CYP4V2: variants seen among roughly 807,000 people sequenced by gnomAD.
CYP4V2 encodes the protein cytochrome P450 family 4 subfamily V member 2.
CYP4V2 carries 55 observed loss-of-function variants against 60.8 expected under a neutral mutation model. That is an observed-to-expected ratio of 0.90 (90% CI 0.73 to 1.13). CYP4V2 has a LOEUF of 1.13. CYP4V2 is among the 50% of genes most tolerant of loss of function. CYP4V2 has a pLI of 0.00. For missense variants in CYP4V2, 675 were observed against 662.9 expected, an observed-to-expected ratio of 1.02 and a Z score of -0.20; for synonymous variants, 239 against 236.8, an observed-to-expected ratio of 1.01 and a Z score of -0.08.
chr4:186,208,933 G>A lies in CYP4V2; in HGVS notation c.1159G>A (p.Glu387Lys). Residue 387 changes from glutamate (E) to lysine (K), a missense_variant, in exon 9 of 11, where the codon GAG (glutamate) becomes AAG (lysine). By Grantham distance (56) the Glu-to-Lys change is moderately conservative. Coordinates refer to ENST00000378802, the MANE Select transcript of CYP4V2 (RefSeq NM_207352.4). ...KLRYLECVIK[E>K]TLRLFPSVPL... ...TCGGTATCTGGAATGTGTTATTAAG[G>A]AGACCCTTCGCCTTTTTCCTTCTGT... The A allele has an allele frequency of 6.2e-7, 1 of 1,614,220 alleles. No homozygotes were observed. Among genetic ancestry groups the A allele is most frequent in the Non-Finnish European group, 8.5e-7 (1 of 1,180,048 alleles).
chr4:186,191,904 C>T lies in CYP4V2; in HGVS notation c.81C>T (p.Ala27=). ...GAASALSLAG[A]SLVLSLLQRV... is the part of the protein sequence containing the mutation. ...CGAGTGCCCTTTCCCTGGCCGGCGCCAGTCTGGTCCTGAGCCTGCTGCAGA... is the reference window on the plus strand; with the variant it reads ...CGAGTGCCCTTTCCCTGGCCGGCGCTAGTCTGGTCCTGAGCCTGCTGCAGA... The change falls in exon 1 of 11, where the codon GCC becomes GCT. Residue 27 remains alanine, a synonymous_variant. Transcript: ENST00000378802. 1.9e-6 allele frequency: 3 copies of T among 1,592,926 alleles called. No individual in the cohort carries two copies. Among genetic ancestry groups the T allele is most frequent in the East Asian group, 2.3e-5 (1 of 43,972 alleles).
At position 186,191,631 on chromosome 4, in the gene CYP4V2, A is replaced by T; in HGVS notation, c.-193A>T. The T allele has an allele frequency of 5.1e-6, 2 of 394,610 alleles. No individual in the cohort carries two copies. Among genetic ancestry groups the T allele is most frequent in the Non-Finnish European group, 8.4e-6 (2 of 238,376 alleles). 24.4% of individuals were successfully genotyped at this position (394,610 alleles called of 1,614,324 possible). Reference sequence around the variant, plus strand: ...CTGCGTAGGCCGGGCCGGGCGCAGGAACAGCCCCGTGGCGCCCTCTCTGGC... The same window carrying T: ...CTGCGTAGGCCGGGCCGGGCGCAGGTACAGCCCCGTGGCGCCCTCTCTGGC... On this transcript the variant is annotated 5_prime_UTR_variant, in exon 1 of 11. Transcript: ENST00000378802.
At chr4:186,200,243 A>G (rs1408009714) in intron 6 of CYP4V2, among the ~76,000 whole-genome samples, 1 of 152,206 alleles carries the variant, frequency 6.6e-6, no homozygotes, top group African/African-American at 2.4e-5. Context: ...CAAATTGCTT[A>G]GAATCTATTC....
chr4:186,196,373 G>A (rs1736146857), intron 3 of CYP4V2: 1 of 464,082 alleles, frequency 2.2e-6, no homozygotes, highest in Admixed American at 3.4e-5. Context: ...GGACGGGATG[G>A]AGGACACAGT....
At chr4:186,198,836 A>G (rs774983868) in intron 5 of CYP4V2, 121 bp from the exon 6 acceptor site, 139 of 1,440,178 alleles carry the variant, frequency 9.7e-5, no homozygotes, top group Non-Finnish European at 1.3e-4. Context: ...AGCTCTTAGT[A>G]GCCTCTAAGA....
chr4:186,204,271 A>AGGTGGCGGTGGAGC (rs1491482907), intron 7 of CYP4V2: 6 of 155,924 alleles, frequency 3.8e-5, no homozygotes, highest in African/African-American at 1.3e-4. Flanking sequence ...CTGGCGTAAG[A>AGGTGGCGGTGGAGC]CGCGGCGGTG....
At position 186,191,628 on chromosome 4, in the gene CYP4V2, A is replaced by G. The variant is rs1579958974; in HGVS notation, c.-196A>G. The G allele has an allele frequency of 5.3e-6, 2 of 380,670 alleles. No individual in the cohort carries two copies. Among genetic ancestry groups the G allele is most frequent in the East Asian group, 9.3e-5 (2 of 21,614 alleles). The allele number at this position is 380,670 out of a possible 1,614,324, so 23.6% of individuals were successfully genotyped here. On this transcript the variant is annotated 5_prime_UTR_variant, in exon 1 of 11. Transcript: ENST00000378802. ...GTGCTGCGTAGGCCGGGCCGGGCGC[A>G]GGAACAGCCCCGTGGCGCCCTCTCT...
intron 1 of CYP4V2, among the ~76,000 whole-genome samples, chr4:186,192,700 A>G (rs1412774236): frequency 6.6e-6 from 1 of 152,212 alleles, no homozygotes; most frequent in Non-Finnish European, 1.5e-5. Flanking sequence ...GAAAAAAATC[A>G]CGTTAAGTTA....
Position 186,197,041 on chromosome 4 carries a change from T to C in CYP4V2, c.515T>C (p.Ile172Thr), listed in dbSNP as rs2126584957. 2 of 1,613,854 alleles carry C rather than the reference T, an allele frequency of 1.2e-6. No individual in the cohort carries two copies. Among genetic ancestry groups the C allele is most frequent in the Non-Finnish European group, 1.7e-6 (2 of 1,180,008 alleles). The stretch of plus-strand genomic sequence containing the variant: ...GATATCATGAATGAACAAGCAAATA[T>C]ATTGGTTAAGAAACTTGAAAAACAC... Reference protein sequence around the residue: ...FLDIMNEQANILVKKLEKHIN... With the variant: ...FLDIMNEQANTLVKKLEKHIN... Residue 172 changes from isoleucine to threonine, a missense_variant, in exon 4 of 11, where the codon ATA becomes ACA. Physicochemically the swap from Ile to Thr is moderately conservative, Grantham distance 89 (BLOSUM62 -1). Coordinates refer to ENST00000378802, the MANE Select transcript of CYP4V2 (RefSeq NM_207352.4).
At chr4:186,192,330 T>A in intron 1 of CYP4V2, 1 of 639,556 alleles carries the variant, frequency 1.6e-6, no homozygotes, top group Non-Finnish European at 2.9e-6. Flanking sequence ...AGCCCTGCCG[T>A]TTCCTCCTGC....
intron 7 of CYP4V2, 103 bp from the exon 8 acceptor site, chr4:186,205,086 TTGCAGTCACAG>T: frequency 2.1e-6 from 2 of 961,998 alleles, no homozygotes. Context: ...TTTCTTATGT[TTGCAGTCACAG>T]TGCAGTCATC....
chr4:186,191,930 G>C lies in CYP4V2; in HGVS notation c.107G>C (p.Arg36Thr). The part of the protein sequence containing the change: ...GASLVLSLLQ[R>T]VASYARKWQQ... ...AGTCTGGTCCTGAGCCTGCTGCAGA[G>C]GGTGGCGAGCTACGCGCGGAAATGG... Residue 36 changes from arginine (R) to threonine (T), a missense_variant, in exon 1 of 11, where the codon AGG (arginine) becomes ACG (threonine). Coordinates refer to ENST00000378802, the MANE Select transcript of CYP4V2 (RefSeq NM_207352.4). The C allele has an allele frequency of 6.3e-7, 1 of 1,593,516 alleles. No individual in the cohort carries two copies. The highest frequency in any genetic ancestry group is 8.5e-7 in the Non-Finnish European group (1 of 1,173,190).
chr4:186,207,376 C>T (rs1313370231), intron 8 of CYP4V2, among the ~76,000 whole-genome samples: 3 of 143,360 alleles, frequency 2.1e-5, no homozygotes, highest in African/African-American at 7.7e-5. Flanking sequence ...TGCACCACTG[C>T]ATTCCAGCCT....
In CYP4V2 at chr4:186,191,920, C is replaced by T; in HGVS notation, c.97C>T (p.Leu33=). 1 of 1,594,622 alleles carries T rather than the reference C, an allele frequency of 6.3e-7. No individual in the cohort carries two copies. ...SLAGASLVLS[L]LQRVASYARK... ...GGCCGGCGCCAGTCTGGTCCTGAGCCTGCTGCAGAGGGTGGCGAGCTACGC... is the reference window on the plus strand; with the variant it reads ...GGCCGGCGCCAGTCTGGTCCTGAGCTTGCTGCAGAGGGTGGCGAGCTACGC... Residue 33 remains leucine (L), a synonymous_variant, in exon 1 of 11, where the codon CTG becomes TTG. Transcript: ENST00000378802.
At chr4:186,199,475 C>G (rs1736246362) in intron 6 of CYP4V2, among the ~76,000 whole-genome samples, 1 of 152,098 alleles carries the variant, frequency 6.6e-6, no homozygotes. Context: ...TGGTCCGTAC[C>G]TGAAAGGAAG....
intron 10 of CYP4V2, 143 bp from the exon 11 acceptor site, chr4:186,210,326 T>A: frequency 1.0e-6 from 1 of 970,112 alleles, no homozygotes; most frequent in East Asian, 2.4e-5. Context: ...TCTTCATCTT[T>A]AACAGGTGTT....
At position 186,209,281 on chromosome 4, in the gene CYP4V2, C is replaced by T. The variant is rs989033597; in HGVS notation, c.1405+9C>T. 6.2e-7 allele frequency: 1 copy of T among 1,613,872 alleles called. No homozygotes were observed. Among genetic ancestry groups the T allele is most frequent in the Non-Finnish European group, 8.5e-7 (1 of 1,180,008 alleles). On this transcript the variant is annotated intron_variant, in intron 10 of 10. Transcript: ENST00000378802. ...CCCCAGGAACTGTATAGGTTTGTAT[C>T]CATCTGAATTGGTTTGACCTTTCAG...
At chr4:186,203,349 G>A (rs889840508) in intron 7 of CYP4V2, 1 of 152,438 alleles carries the variant, frequency 6.6e-6, no homozygotes, top group African/African-American at 2.4e-5. Context: ...CATACCAGGT[G>A]TGAGTGTGAT....
At chr4:186,207,261 T>G (rs1736537453) in intron 8 of CYP4V2, among the ~76,000 whole-genome samples, 2 of 151,672 alleles carry the variant, frequency 1.3e-5, no homozygotes, top group Non-Finnish European at 2.9e-5. Context: ...ACAAAAAAAT[T>G]AGCCGGGCAT....
Sources: allele counts gnomAD v4.1 joint callset (sites outside exome capture counted in the v4.1 genomes callset), GRCh38; gene constraint gnomAD v4.1.1; transcripts MANE v1.5; gene names NCBI Gene and HGNC (gene_info 2026-07-23, HGNC 2026-07-21).